EVC2: variants seen among roughly 807,000 people sequenced by gnomAD.
EVC2 encodes the protein limbin.
A neutral mutation model predicts 149.3 loss-of-function variants in EVC2; 148 were observed. The observed-to-expected ratio is 0.99, with a 90% CI of 0.87 to 1.14. The LOEUF is 1.14. Ranked by LOEUF, EVC2 falls within the 50% of genes most tolerant of loss-of-function variation. The pLI is 0.00. For missense variants in EVC2, 1,854 were observed against 1,627.3 expected, an observed-to-expected ratio of 1.14 and a Z score of -2.40; for synonymous variants, 776 against 649.9, an observed-to-expected ratio of 1.19 and a Z score of -2.95.
chr4:5,599,163 C>T (rs923126715), intron 16 of EVC2, among the ~76,000 whole-genome samples: 1 of 151,628 alleles, frequency 6.6e-6, no homozygotes, highest in African/African-American at 2.4e-5. Flanking sequence ...GTCAGTGTGG[C>T]GATTCCTCAG....
At chr4:5,684,582 T>C (rs1028653536) in intron 6 of EVC2, among the ~76,000 whole-genome samples, 28 of 124,894 alleles carry the variant, frequency 2.2e-4, no homozygotes, top group Non-Finnish European at 4.3e-4. Flanking sequence ...ACCCGGGGTG[T>C]GCAGCACCTG....
intron 9 of EVC2, among the ~76,000 whole-genome samples, chr4:5,646,608 T>C (rs962365181): frequency 2.6e-5 from 4 of 152,254 alleles, no homozygotes; most frequent in African/African-American, 9.6e-5. Context: ...ATTATTTCTC[T>C]TGTATTTTAT....
At position 5,641,029 on chromosome 4, in the gene EVC2, T is replaced by C. The variant is rs4577515; in HGVS notation, c.1146-191A>G. Among the ~76,000 whole-genome samples the C allele has an allele frequency of 0.42, 63,265 of 152,008 alleles. 13,490 individuals are homozygous for C. Among genetic ancestry groups the C allele is most frequent in the African/African-American group, 0.46 (19,088 of 41,424 alleles). ...ATTAGCTGACTCTTACTTAGTAAAT[T>C]TGTAAGGTACCATGTGATGTACAAA... On this transcript the variant is annotated intron_variant, in intron 9 of 21. Coordinates refer to ENST00000344408, the MANE Select transcript of EVC2 (RefSeq NM_147127.5).
At chr4:5,551,254 A>G (rs1426965068) in intron 21 of EVC2, among the ~76,000 whole-genome samples, 4 of 152,206 alleles carry the variant, frequency 2.6e-5, no homozygotes, top group Admixed American at 6.5e-5. Flanking sequence ...CCAGCCCATG[A>G]AAGCAGCCAG....
At chr4:5,592,194 TC>T (rs1412715980) in intron 16 of EVC2, among the ~76,000 whole-genome samples, 7 of 152,036 alleles carry the variant, frequency 4.6e-5, no homozygotes, top group East Asian at 1.9e-4. Flanking sequence ...AAATTCACAA[TC>T]CCCCAAGAGC....
intron 9 of EVC2, among the ~76,000 whole-genome samples, chr4:5,651,192 C>A (rs1319203478): frequency 6.6e-6 from 1 of 151,368 alleles, no homozygotes. Context: ...ATAGATGGGT[C>A]GATAGATGGC....
intron 15 of EVC2, among the ~76,000 whole-genome samples, chr4:5,617,152 C>A (rs1445767723): frequency 6.6e-6 from 1 of 152,118 alleles, no homozygotes; most frequent in African/African-American, 2.4e-5. Flanking sequence ...TCTGCATCCA[C>A]TGGTTTACAT....
downstream of EVC2, among the ~76,000 whole-genome samples, chr4:5,539,511 A>G (rs189046335): frequency 6.6e-6 from 1 of 152,324 alleles, no homozygotes; most frequent in East Asian, 1.9e-4. Flanking sequence ...AAATATATAC[A>G]TCTAACACAA....
intron 7 of EVC2, among the ~76,000 whole-genome samples, chr4:5,669,477 G>A (rs1719488679): frequency 6.6e-6 from 1 of 152,148 alleles, no homozygotes. Flanking sequence ...CTGTCCAGGG[G>A]GCTGTATGTT....
At position 5,605,509 on chromosome 4, in the gene EVC2, A is replaced by AAGAT. The variant is rs199533093; in HGVS notation, c.2829+9909_2829+9912dup. On this transcript the variant is annotated intron_variant, in intron 16 of 21. Transcript: ENST00000344408. ...TAGATGGATGGATGGATGGATAGAT[A>AAGAT]AGATAGATAGATAGATGTGGACAGA... Among the ~76,000 whole-genome samples, 968 of 152,300 alleles carry AAGAT rather than the reference A, an allele frequency of 6.4e-3. 8 individuals carry two copies. The highest frequency in any genetic ancestry group is 0.022 in the African/African-American group (923 of 41,566).
At position 5,562,668 on chromosome 4, in the gene EVC2, G is replaced by GGAAATTCAT. The variant is rs983571398; in HGVS notation, c.*171_*179dup. ...TGATATGGAAGAGAGTGGGCCATCT[G>GGAAATTCAT]GAAATTCATGAGACAAGATTAAACC... On this transcript the variant is annotated 3_prime_UTR_variant, in exon 22 of 22. Coordinates refer to ENST00000344408, the MANE Select transcript of EVC2 (RefSeq NM_147127.5). This position sits in a 1 kb window ranked among gnomAD's most constrained non-coding sequence, Gnocchi z 4.3. 6.2e-5 allele frequency: 91 copies of GGAAATTCAT among 1,464,484 alleles called. No homozygotes were observed. The African/African-American group carries it at 1.2e-3, about 19-fold the overall frequency. The allele number at this position is 1,464,484 out of a possible 1,614,324, so 90.7% of individuals were successfully genotyped here.
chr4:5,690,019 G>A (rs776083033), intron 4 of EVC2, among the ~76,000 whole-genome samples: 10 of 152,190 alleles, frequency 6.6e-5, no homozygotes, highest in Non-Finnish European at 1.0e-4. Context: ...TGAGATGAGC[G>A]AGCTCTGGAA....
chr4:5,534,702 C>T, the EVC2 span, among the ~76,000 whole-genome samples: 4 of 151,206 alleles, frequency 2.6e-5, no homozygotes, highest in East Asian at 5.9e-4. Context: ...GATGCAATTG[C>T]GTTGAGTGAT....
chr4:5,535,268 G>A, the EVC2 span, among the ~76,000 whole-genome samples: 1 of 152,144 alleles, frequency 6.6e-6, no homozygotes, highest in South Asian at 2.1e-4. The surrounding 1 kb of genome is among the most constrained non-coding windows in gnomAD (Gnocchi z 4.7). Context: ...CTCTCTGAAA[G>A]TAACCTCTGC....
At chr4:5,545,947 C>A (rs538944313) in intron 21 of EVC2, among the ~76,000 whole-genome samples, 6 of 152,120 alleles carry the variant, frequency 3.9e-5, no homozygotes, top group East Asian at 1.9e-4. Context: ...TATGCAGCCA[C>A]AAAACACATG....
intron 16 of EVC2, among the ~76,000 whole-genome samples, chr4:5,603,462 G>A (rs1475709094): frequency 6.6e-6 from 1 of 152,152 alleles, no homozygotes; most frequent in Non-Finnish European, 1.5e-5. Context: ...AGGACTATCA[G>A]GGTTCTCTCT....
At chr4:5,648,726 G>C (rs1412663747) in intron 9 of EVC2, among the ~76,000 whole-genome samples, 1 of 152,150 alleles carries the variant, frequency 6.6e-6, no homozygotes, top group Non-Finnish European at 1.5e-5. Context: ...TGCCTGGGAA[G>C]ACAGTCCCAG....
chr4:5,578,792 A>G (rs1282585559), intron 17 of EVC2, among the ~76,000 whole-genome samples: 1 of 152,156 alleles, frequency 6.6e-6, no homozygotes, highest in African/African-American at 2.4e-5. Context: ...GACTCATGTC[A>G]ACAGTTGCAG....
intron 7 of EVC2, among the ~76,000 whole-genome samples, chr4:5,672,862 A>C (rs1390819145): frequency 6.6e-6 from 1 of 152,236 alleles, no homozygotes; most frequent in Non-Finnish European, 1.5e-5. Flanking sequence ...AGGAACACTG[A>C]AAACTTGATG....
Sources: gnomAD v4.1 joint callset for allele counts (sites outside exome capture counted in the v4.1 genomes callset) on GRCh38, gnomAD v4.1.1 for gene constraint, Gnocchi (gnomAD v3.1) non-coding constraint, MANE v1.5 for transcripts, NCBI Gene and HGNC (gene_info 2026-07-23, HGNC 2026-07-21) for gene names.